The following LRRC37A2 variants were observed in gnomAD, a reference collection of about 807,000 sequenced individuals.
The protein encoded by LRRC37A2 is leucine rich repeat containing 37 member A2.
LRRC37A2 carries 9 observed loss-of-function variants against 68.8 expected under a neutral mutation model. The observed-to-expected ratio is 0.13, with a 90% CI of 0.08 to 0.23. LRRC37A2 has a LOEUF of 0.23. LRRC37A2 is among the 10% of genes least tolerant of loss of function. The pLI is 1.00. For missense variants in LRRC37A2, 168 were observed against 950.4 expected (o/e 0.18, Z 10.82); for synonymous variants, 63 against 367.6 (o/e 0.17, Z 9.48).
At chr17:46,865,006 T>A in the LRRC37A2 span, among the ~76,000 whole-genome samples, 3 of 152,140 alleles carry the variant, frequency 2.0e-5, no homozygotes, top group Non-Finnish European at 4.4e-5. Context: ...GGGGTAGATG[T>A]TTACAGTCAC....
At chr17:46,950,147 C>T in the LRRC37A2 span, among the ~76,000 whole-genome samples, 1 of 152,186 alleles carries the variant, frequency 6.6e-6, no homozygotes, top group Non-Finnish European at 1.5e-5. Context: ...TCAGTTGTTG[C>T]CTTTCCAGTA....
the LRRC37A2 span, among the ~76,000 whole-genome samples, chr17:46,777,472 G>T: frequency 3.9e-4 from 59 of 152,350 alleles, no homozygotes; most frequent in African/African-American, 1.3e-3. Context: ...CTGCCTGCAT[G>T]GCTTGATTGG....
the LRRC37A2 span, chr17:46,818,736 C>A: frequency 2.3e-6 from 2 of 865,770 alleles, no homozygotes; most frequent in Non-Finnish European, 3.8e-6. Flanking sequence ...CGCAGCCGCC[C>A]CCCTCCCGAG....
At chr17:46,792,232 G>A in the LRRC37A2 span, among the ~76,000 whole-genome samples, 1 of 152,208 alleles carries the variant, frequency 6.6e-6, no homozygotes, top group Non-Finnish European at 1.5e-5. Flanking sequence ...AATCACCATG[G>A]GTGGGAGGAG....
chr17:46,925,262 T>C, the LRRC37A2 span, among the ~76,000 whole-genome samples: 3 of 152,298 alleles, frequency 2.0e-5, no homozygotes, highest in East Asian at 5.8e-4. Flanking sequence ...TGTGTTCCAG[T>C]ACAATTTTAT....
the LRRC37A2 span, among the ~76,000 whole-genome samples, chr17:46,755,039 A>G: frequency 1.3e-5 from 2 of 152,264 alleles, no homozygotes; most frequent in Admixed American, 1.3e-4. Context: ...AGGCATCAGC[A>G]CAGGGCACGC....
At chr17:46,974,586 T>A in the LRRC37A2 span, among the ~76,000 whole-genome samples, 2 of 151,968 alleles carry the variant, frequency 1.3e-5, no homozygotes, top group African/African-American at 2.4e-5. Flanking sequence ...TACAAAAAAT[T>A]AGCTGGGCGT....
At chr17:47,044,350 T>A in the LRRC37A2 span, among the ~76,000 whole-genome samples, 1 of 151,738 alleles carries the variant, frequency 6.6e-6, no homozygotes, top group South Asian at 2.1e-4. Context: ...CTCAATTTTT[T>A]AAGCCATGTT....
At chr17:47,017,466 T>G in the LRRC37A2 span, 1 of 1,503,344 alleles carries the variant, frequency 6.7e-7, no homozygotes, top group South Asian at 1.2e-5. Flanking sequence ...GCCCTCTGCT[T>G]CCTCAGAGAT....
chr17:46,769,718 G>A, the LRRC37A2 span: 4 of 1,591,408 alleles, frequency 2.5e-6, no homozygotes, highest in South Asian at 3.3e-5. Context: ...TGGGGGCCAG[G>A]GCAGCTCCGG....
At chr17:46,961,308 C>A in the LRRC37A2 span, among the ~76,000 whole-genome samples, 1 of 152,108 alleles carries the variant, frequency 6.6e-6, no homozygotes, top group Non-Finnish European at 1.5e-5. Context: ...GAGGCTGAGG[C>A]AGGAGGATCT....
chr17:46,728,815 G>T, the LRRC37A2 span: 4 of 1,322,026 alleles, frequency 3.0e-6, no homozygotes, highest in Non-Finnish European at 4.2e-6. Flanking sequence ...ATATGTACAT[G>T]TGTATCAAAT....
the LRRC37A2 span, among the ~76,000 whole-genome samples, chr17:47,020,779 C>A: frequency 1.4e-3 from 4 of 2,798 alleles, no homozygotes; most frequent in Non-Finnish European, 2.6e-3. Flanking sequence ...AAGACTCCAT[C>A]TCAAAAAAAA....
chr17:46,943,629 A>G, the LRRC37A2 span, among the ~76,000 whole-genome samples: 1 of 152,094 alleles, frequency 6.6e-6, no homozygotes, highest in African/African-American at 2.4e-5. Flanking sequence ...CGCAGGCGCC[A>G]TCGGGTAAGC....
chr17:46,775,328 C>T, the LRRC37A2 span, among the ~76,000 whole-genome samples: 9 of 152,198 alleles, frequency 5.9e-5, no homozygotes, highest in African/African-American at 2.2e-4. Flanking sequence ...CCCCGGGTCC[C>T]TCCTCCATAC....
the LRRC37A2 span, among the ~76,000 whole-genome samples, chr17:46,691,583 A>C: frequency 6.6e-6 from 1 of 151,300 alleles, no homozygotes; most frequent in Non-Finnish European, 1.5e-5. Flanking sequence ...CAGCAGAGCA[A>C]GACTTCATCT....
chr17:46,542,041 G>A (rs1423675800), intron 8 of LRRC37A2, among the ~76,000 whole-genome samples: 1 of 136,170 alleles, frequency 7.3e-6, no homozygotes, highest in Non-Finnish European at 1.5e-5. Flanking sequence ...CACGAGAAGT[G>A]CTTGAACTTG....
At chr17:46,923,125 G>A in the LRRC37A2 span, 6 of 1,126,052 alleles carry the variant, frequency 5.3e-6, no homozygotes, top group Non-Finnish European at 7.9e-6. Context: ...CCGGAAACCG[G>A]AAGGGGGGCT....
intron 8 of LRRC37A2, among the ~76,000 whole-genome samples, chr17:46,541,855 T>A (rs1383052167): frequency 1.3e-5 from 2 of 150,690 alleles, no homozygotes; most frequent in Non-Finnish European, 2.9e-5. Context: ...TGGACTTTGG[T>A]ATCTGCAGGG....
Sources: gnomAD v4.1 joint callset for allele counts (sites outside exome capture counted in the v4.1 genomes callset) on GRCh38, gnomAD v4.1.1 for gene constraint, MANE v1.5 for transcripts, NCBI Gene and HGNC (gene_info 2026-07-23, HGNC 2026-07-21) for gene names.